The following EYS variants were observed in gnomAD, a reference collection of about 807,000 sequenced individuals.
EYS encodes EGF-like photoreceptor maintenance factor, also known as protein eyes shut homolog.
A neutral mutation model predicts 282.1 loss-of-function variants in EYS; 250 were observed. That is an observed-to-expected ratio of 0.89 (90% confidence interval 0.80 to 0.98). The LOEUF is 0.98. EYS is among the 50% of genes least tolerant of loss of function. The pLI is 0.00. For synonymous variants in EYS, 1,355 were observed against 1,282.9 expected, an observed-to-expected ratio of 1.06 and a Z score of -1.20; for missense variants, 4,016 against 3,709.0, an observed-to-expected ratio of 1.08 and a Z score of -2.15.
At chr6:65,699,690 G>A (rs908266592) in intron 1 of EYS, among the ~76,000 whole-genome samples, 1 of 152,144 alleles carries the variant, frequency 6.6e-6, no homozygotes, top group Non-Finnish European at 1.5e-5. Flanking sequence ...AAAATGACAG[G>A]AAGCCCAAGT....
At chr6:63,869,699 T>C (rs1364542916) in intron 35 of EYS, among the ~76,000 whole-genome samples, 2 of 152,120 alleles carry the variant, frequency 1.3e-5, no homozygotes, top group African/African-American at 4.8e-5. Flanking sequence ...CATTATATAT[T>C]AGGAAAAGGA....
At chr6:65,117,237 A>C (rs955841527) in intron 12 of EYS, among the ~76,000 whole-genome samples, 2 of 152,294 alleles carry the variant, frequency 1.3e-5, no homozygotes, top group Middle Eastern at 3.4e-3. Flanking sequence ...GAATGAATGA[A>C]AACTGCTTTC....
intron 1 of EYS, among the ~76,000 whole-genome samples, chr6:65,681,034 A>G (rs1236234661): frequency 1.3e-5 from 2 of 151,138 alleles, no homozygotes; most frequent in Admixed American, 1.3e-4. Context: ...ACCAAATGTC[A>G]TCATCTATGG....
chr6:63,820,747 A>T (rs1771300522), intron 36 of EYS, among the ~76,000 whole-genome samples: 1 of 152,146 alleles, frequency 6.6e-6, no homozygotes, highest in Admixed American at 6.5e-5. Context: ...TTGTACTCTC[A>T]TATATGCTGG....
chr6:65,061,852 A>T (rs150900096), intron 12 of EYS, among the ~76,000 whole-genome samples: 6 of 152,010 alleles, frequency 3.9e-5, no homozygotes, highest in Admixed American at 6.6e-5. Flanking sequence ...AATCCAAATA[A>T]TTAGAGTTCT....
chr6:63,890,089 T>A (rs541570245), intron 35 of EYS, among the ~76,000 whole-genome samples: 18 of 152,162 alleles, frequency 1.2e-4, no homozygotes, highest in Non-Finnish European at 2.4e-4. Flanking sequence ...ATGCACCCAA[T>A]ACAGGAGCAC....
At chr6:64,328,300 G>T (rs991520030) in intron 29 of EYS, among the ~76,000 whole-genome samples, 1 of 152,170 alleles carries the variant, frequency 6.6e-6, no homozygotes, top group East Asian at 1.9e-4. Context: ...GCAGGTACAG[G>T]ATATATCAGG....
At chr6:64,557,929 A>G (rs1408774116) in intron 26 of EYS, among the ~76,000 whole-genome samples, 1 of 152,074 alleles carries the variant, frequency 6.6e-6, no homozygotes, top group Non-Finnish European at 1.5e-5. Context: ...AACATTTACT[A>G]TCTGTTCTTT....
intron 13 of EYS, among the ~76,000 whole-genome samples, chr6:65,040,614 A>G (rs578222995): frequency 6.6e-6 from 1 of 151,644 alleles, no homozygotes; most frequent in Non-Finnish European, 1.5e-5. Context: ...AGCACATAGT[A>G]TACTCACTTG....
intron 13 of EYS, among the ~76,000 whole-genome samples, chr6:65,047,851 G>A (rs555025421): frequency 1.9e-4 from 29 of 152,024 alleles, no homozygotes; most frequent in African/African-American, 6.7e-4. Context: ...CTGAGTGGAT[G>A]GTGCTAGAAC....
intron 31 of EYS, among the ~76,000 whole-genome samples, chr6:64,136,242 A>T (rs998320932): frequency 1.3e-5 from 2 of 151,926 alleles, no homozygotes; most frequent in African/African-American, 4.8e-5. Flanking sequence ...TCACATCTTC[A>T]GGCTCCATTT....
At chr6:64,118,445 G>C (rs888398147) in intron 31 of EYS, among the ~76,000 whole-genome samples, 1 of 152,002 alleles carries the variant, frequency 6.6e-6, no homozygotes, top group African/African-American at 2.4e-5. Context: ...GGAAAGGACA[G>C]GCTCTTCAAC....
At chr6:64,328,252 T>C (rs1216129686) in intron 29 of EYS, among the ~76,000 whole-genome samples, 2 of 152,174 alleles carry the variant, frequency 1.3e-5, no homozygotes, top group East Asian at 1.9e-4. Flanking sequence ...CATAGAGTTA[T>C]ACAAGCTGCC....
chr6:65,442,992 A>G (rs1468087842), intron 5 of EYS, among the ~76,000 whole-genome samples: 2 of 106,636 alleles, frequency 1.9e-5, no homozygotes, highest in Admixed American at 1.1e-4. Context: ...ATATGTGCGT[A>G]TATGTATATA....
chr6:63,925,080 G>T (rs544121547), intron 35 of EYS, among the ~76,000 whole-genome samples: 13 of 152,260 alleles, frequency 8.5e-5, no homozygotes, highest in African/African-American at 3.1e-4. Context: ...ACATCTTTGG[G>T]CAACTTAATC....
At chr6:65,099,735 A>T (rs1384048720) in intron 12 of EYS, among the ~76,000 whole-genome samples, 2 of 150,796 alleles carry the variant, frequency 1.3e-5, no homozygotes, top group Non-Finnish European at 3.0e-5. Flanking sequence ...TATACTTTCT[A>T]CTACATTAAT....
intron 12 of EYS, among the ~76,000 whole-genome samples, chr6:65,282,426 A>G (rs548644259): frequency 2.1e-4 from 32 of 152,154 alleles, no homozygotes; most frequent in South Asian, 8.3e-4. Context: ...AAATAAAAAC[A>G]TAACATTGGC....
intron 2 of EYS, among the ~76,000 whole-genome samples, chr6:65,591,426 G>C (rs577898753): frequency 6.6e-6 from 1 of 151,838 alleles, no homozygotes; most frequent in South Asian, 2.1e-4. Context: ...ATAATGTAAG[G>C]AACATATTGG....
intron 14 of EYS, among the ~76,000 whole-genome samples, chr6:64,947,810 C>G (rs1769340248): frequency 6.6e-6 from 1 of 151,760 alleles, no homozygotes; most frequent in African/African-American, 2.4e-5. Context: ...TCATCCCACT[C>G]AGTAGCATAA....
Sources: allele counts gnomAD v4.1 joint callset (sites outside exome capture counted in the v4.1 genomes callset), GRCh38; gene constraint gnomAD v4.1.1; transcripts MANE v1.5; gene names NCBI Gene and HGNC (gene_info 2026-07-23, HGNC 2026-07-21).